Variants in ZDHHC7 observed in about 807,000 individuals in gnomAD.
ZDHHC7 encodes palmitoyltransferase ZDHHC7.
In ZDHHC7, 12 loss-of-function variants were observed where a neutral mutation model predicts 34.1. The observed-to-expected ratio is 0.35, with a 90% confidence interval of 0.23 to 0.57. The LOEUF (loss-of-function observed/expected upper bound fraction) is 0.57. Among genes scored for constraint, ZDHHC7 ranks in the 20% least tolerant of loss-of-function variants. ZDHHC7 has a pLI of 0.84. For missense variants in ZDHHC7, 388 were observed against 402.7 expected (o/e 0.96, Z 0.31); for synonymous variants, 185 against 155.4 (o/e 1.19, Z -1.42).
At chr16:85,005,695 C>A (rs9923754) in intron 1 of ZDHHC7, among the ~76,000 whole-genome samples, 25,419 of 152,130 alleles carry the variant, frequency 0.17, 2,889 homozygotes, top group East Asian at 0.32. Context: ...TCAGTGAACT[C>A]TAAAAGCTGG....
At chr16:85,017,121 T>C in the ZDHHC7 span, among the ~76,000 whole-genome samples, 2 of 152,182 alleles carry the variant, frequency 1.3e-5, no homozygotes, top group Non-Finnish European at 2.9e-5. Flanking sequence ...TTCAATTTTT[T>C]AATCATGAGC....
intron 2 of ZDHHC7, among the ~76,000 whole-genome samples, chr16:84,995,187 C>T (rs1174077631): frequency 6.6e-6 from 1 of 152,198 alleles, no homozygotes; most frequent in East Asian, 1.9e-4. Flanking sequence ...CACTCTTCTA[C>T]CCTAATGGCC....
intron 1 of ZDHHC7, among the ~76,000 whole-genome samples, chr16:85,001,957 T>C (rs940547127): frequency 6.6e-6 from 1 of 152,056 alleles, no homozygotes; most frequent in Non-Finnish European, 1.5e-5. Context: ...GCTTGGAGCA[T>C]CTTGTATTGC....
At chr16:85,014,138 A>G (rs1233012237), upstream of ZDHHC7, among the ~76,000 whole-genome samples, 3 of 152,214 alleles carry the variant, frequency 2.0e-5, no homozygotes, top group Non-Finnish European at 2.9e-5. Flanking sequence ...TCCTCACCAC[A>G]TAATTCTTAG....
chr16:84,999,096 A>G (rs942385313), intron 1 of ZDHHC7, among the ~76,000 whole-genome samples: 1 of 152,176 alleles, frequency 6.6e-6, no homozygotes, highest in Admixed American at 6.5e-5. Context: ...TCAAACATCT[A>G]TGCACCAGCC....
the ZDHHC7 span, among the ~76,000 whole-genome samples, chr16:85,024,519 C>T: frequency 3.3e-5 from 5 of 152,214 alleles, no homozygotes; most frequent in African/African-American, 4.8e-5. Context: ...GCGTGAGCCA[C>T]GGTGCCCGGA....
chr16:84,977,166 C>A lies in ZDHHC7; in HGVS notation c.679G>T (p.Gly227Cys), dbSNP rs759658888. Reference sequence around the variant, plus strand: ...GCAGTGAAAGTGAAAAACAGAAGACCCTCAAGGCACAGGAAGATCAACAGG... The same window carrying A: ...GCAGTGAAAGTGAAAAACAGAAGACACTCAAGGCACAGGAAGATCAACAGG... ...VILLIFLCLE[G>C]LLFFTFTAVM... The change falls in exon 7 of 8, where the codon GGT (glycine) becomes TGT (cysteine). Residue 227 changes from glycine (G) to cysteine (C), a missense_variant. Gly to Cys is a radical substitution (Grantham distance 159). Transcript: ENST00000313732. 1.7e-5 allele frequency: 27 copies of A among 1,614,002 alleles called. No individual in the cohort carries two copies. The South Asian group carries it at 3.0e-4, about 18-fold the overall frequency.
chr16:85,021,156 G>A, the ZDHHC7 span, among the ~76,000 whole-genome samples: 1 of 151,918 alleles, frequency 6.6e-6, no homozygotes, highest in Non-Finnish European at 1.5e-5. Flanking sequence ...GCTCACACCT[G>A]TAATCCCAGC....
chr16:85,024,167 C>T, the ZDHHC7 span, among the ~76,000 whole-genome samples: 1 of 150,498 alleles, frequency 6.6e-6, no homozygotes, highest in African/African-American at 2.4e-5. Flanking sequence ...ATCCACCCGC[C>T]TTGGCTTCCC....
Position 84,976,182 on chromosome 16 carries a change from C to T in ZDHHC7, c.*161G>A. The T allele has an allele frequency of 1.1e-6, 1 of 898,914 alleles. No individual in the cohort carries two copies. Among genetic ancestry groups the T allele is most frequent in the South Asian group, 1.7e-5 (1 of 58,964 alleles). The allele number at this position is 898,914 out of a possible 1,614,324, so 55.7% of individuals were successfully genotyped here. A position where few individuals can be genotyped will look rare whatever the true frequency, so the allele number is the denominator to read the frequency against. ...TGGGGACTGAGAGCCTCTTCCTCTG[C>T]CATCTGTGACTATAAATATATAAAA... On this transcript the variant is annotated 3_prime_UTR_variant, in exon 8 of 8. Transcript: ENST00000313732.
intron 4 of ZDHHC7, among the ~76,000 whole-genome samples, chr16:84,981,439 GC>G (rs2072366533): frequency 6.6e-6 from 1 of 152,240 alleles, no homozygotes; most frequent in Admixed American, 6.5e-5. Flanking sequence ...ACGCACAACA[GC>G]CTCTCTGGCT....
intron 4 of ZDHHC7, among the ~76,000 whole-genome samples, chr16:84,981,082 G>A (rs545366285): frequency 4.2e-4 from 64 of 152,296 alleles, no homozygotes; most frequent in East Asian, 7.7e-4. Context: ...GTACAGGGAC[G>A]TGTGACAACT....
intron 1 of ZDHHC7, among the ~76,000 whole-genome samples, chr16:84,998,026 C>T (rs1368031191): frequency 2.0e-5 from 3 of 146,868 alleles, no homozygotes; most frequent in African/African-American, 7.6e-5. Flanking sequence ...TTTGGGAGGC[C>T]GAGGCGGGCG....
chr16:84,997,895 T>TAAAAAAA (rs751166134), intron 1 of ZDHHC7, among the ~76,000 whole-genome samples: 9 of 64,414 alleles, frequency 1.4e-4, no homozygotes, highest in South Asian at 5.6e-4. Flanking sequence ...AGACTCCGTC[T>TAAAAAAA]AAAAAAAAAA....
Position 84,978,016 on chromosome 16 carries a change from G to C in ZDHHC7, c.538-11C>G, listed in dbSNP as rs8044638. On this transcript the variant is annotated splice_polypyrimidine_tract_variant and intron_variant, in intron 5 of 7. Coordinates refer to ENST00000313732, the MANE Select transcript of ZDHHC7 (RefSeq NM_017740.3). Reference sequence around the variant, plus strand: ...CAGAGCTATATACATCTAGAATGAGGGGGAGATTGGTTAGTCACTTTTATT... The same window carrying C: ...CAGAGCTATATACATCTAGAATGAGCGGGAGATTGGTTAGTCACTTTTATT... 6.3e-7 allele frequency: 1 copy of C among 1,594,300 alleles called. No individual in the cohort carries two copies. Among genetic ancestry groups the C allele is most frequent in the Non-Finnish European group, 8.6e-7 (1 of 1,166,736 alleles).
chr16:84,976,086 C>T lies in ZDHHC7; in HGVS notation c.*257G>A, dbSNP rs2072293060. The T allele has an allele frequency of 2.0e-6, 1 of 505,480 alleles. No homozygotes were observed. Among genetic ancestry groups the T allele is most frequent in the African/African-American group, 2.0e-5 (1 of 49,398 alleles). The allele number at this position is 505,480 out of a possible 1,614,324, so 31.3% of individuals were successfully genotyped here. A position where few individuals can be genotyped will look rare whatever the true frequency, so the allele number is the denominator to read the frequency against. On this transcript the variant is annotated 3_prime_UTR_variant, in exon 8 of 8. Transcript: ENST00000313732. ...TAACCCGAAGTATTCTCCACAGAAG[C>T]CCCAGCTCTGCAGGAGGCCACGGCG...
chr16:85,010,431 T>C (rs918548326), intron 1 of ZDHHC7, among the ~76,000 whole-genome samples: 1 of 152,102 alleles, frequency 6.6e-6, no homozygotes, highest in Non-Finnish European at 1.5e-5. Context: ...CAGAAAGAAA[T>C]ATTAATACAC....
chr16:84,990,749 A>C (rs1467588025), intron 2 of ZDHHC7, 114 bp from the exon 3 acceptor site: 4 of 793,070 alleles, frequency 5.0e-6, no homozygotes, highest in Non-Finnish European at 7.9e-6. Context: ...CTAAATACAC[A>C]TAGTGGGAAA....
chr16:85,001,726 C>T (rs2072655628), intron 1 of ZDHHC7, among the ~76,000 whole-genome samples: 1 of 152,114 alleles, frequency 6.6e-6, no homozygotes. Flanking sequence ...ACACCTAATT[C>T]CCAGATCTTG....
Sources: gnomAD v4.1 joint callset for allele counts (sites outside exome capture counted in the v4.1 genomes callset) on GRCh38, gnomAD v4.1.1 for gene constraint, MANE v1.5 for transcripts, NCBI Gene and HGNC (gene_info 2026-07-23, HGNC 2026-07-21) for gene names.